The following ARFGEF2 variants were observed in gnomAD, a reference collection of about 807,000 sequenced individuals.
ARFGEF2 encodes brefeldin A-inhibited guanine nucleotide-exchange protein 2.
ARFGEF2 carries 74 observed loss-of-function variants against 219.9 expected under a neutral mutation model. The ratio of observed to expected loss-of-function variants is 0.34; its 90% CI spans 0.28 to 0.41. ARFGEF2 has a LOEUF of 0.41. Ranked by LOEUF, ARFGEF2 falls within the 10% of genes least tolerant of loss-of-function variation. The pLI, the probability that ARFGEF2 is intolerant of heterozygous loss-of-function variation, is 1.00. For synonymous variants in ARFGEF2, 733 were observed against 799.2 expected, an observed-to-expected ratio of 0.92 and a Z score of 1.40; for missense variants, 1,743 against 2,218.3, an observed-to-expected ratio of 0.79 and a Z score of 4.30.
At chr20:48,935,939 G>GA (rs1395453678) in intron 1 of ARFGEF2, among the ~76,000 whole-genome samples, 1 of 130,668 alleles carries the variant, frequency 7.7e-6, no homozygotes, top group African/African-American at 3.1e-5. Flanking sequence ...CGGCTGGCCG[G>GA]GGGGGGGGGC....
intron 30 of ARFGEF2, among the ~76,000 whole-genome samples, chr20:49,015,497 T>C (rs1394512713): frequency 6.6e-6 from 1 of 152,200 alleles, no homozygotes; most frequent in African/African-American, 2.4e-5. Context: ...TTAGGTTGCT[T>C]TCCGGTTTTT....
chr20:49,032,741 G>A (rs921812852), intron 38 of ARFGEF2, among the ~76,000 whole-genome samples: 1 of 151,696 alleles, frequency 6.6e-6, no homozygotes, highest in Non-Finnish European at 1.5e-5. Context: ...ACAGACACGC[G>A]CCACTATGCC....
intron 16 of ARFGEF2, among the ~76,000 whole-genome samples, chr20:48,986,761 G>A (rs1378019528): frequency 6.6e-6 from 1 of 152,146 alleles, no homozygotes; most frequent in Non-Finnish European, 1.5e-5. Context: ...GTACAGTGGG[G>A]TGATCACAGA....
chr20:48,966,486 C>G (rs940465293), intron 8 of ARFGEF2, among the ~76,000 whole-genome samples: 14 of 152,144 alleles, frequency 9.2e-5, no homozygotes, highest in African/African-American at 3.4e-4. Context: ...CAGTATGTAT[C>G]CTGTGTTGCA....
At chr20:48,991,321 C>A in intron 21 of ARFGEF2, 123 bp downstream of exon 21, 2 of 1,369,584 alleles carry the variant, frequency 1.5e-6, no homozygotes, top group Non-Finnish European at 2.1e-6. Context: ...CCTCATGTAT[C>A]TGGAAGTCAC....
intron 6 of ARFGEF2, among the ~76,000 whole-genome samples, chr20:48,957,088 T>A (rs1047939461): frequency 6.6e-6 from 1 of 152,194 alleles, no homozygotes; most frequent in Non-Finnish European, 1.5e-5. Context: ...ACTTCTATCC[T>A]TAGGGTCATC....
intron 3 of ARFGEF2, among the ~76,000 whole-genome samples, chr20:48,950,611 T>A (rs922105360): frequency 1.9e-4 from 29 of 150,754 alleles, no homozygotes; most frequent in Admixed American, 6.0e-4. Flanking sequence ...CTGAGCAATA[T>A]AGCAAGACCC....
intron 4 of ARFGEF2, among the ~76,000 whole-genome samples, chr20:48,952,476 G>A (rs2091077201): frequency 6.6e-6 from 1 of 152,082 alleles, no homozygotes; most frequent in African/African-American, 2.4e-5. Context: ...TAATTGTTTC[G>A]AGTGATTTGG....
intron 14 of ARFGEF2, among the ~76,000 whole-genome samples, chr20:48,976,700 C>T (rs1031322750): frequency 6.6e-6 from 1 of 151,764 alleles, no homozygotes; most frequent in East Asian, 1.9e-4. Flanking sequence ...CCCAGCTACT[C>T]GGGAGGCTGA....
At position 48,972,441 on chromosome 20, in the gene ARFGEF2, G is replaced by A. The variant is rs1479547892; in HGVS notation, c.1525+16G>A. On this transcript the variant is annotated intron_variant, in intron 11 of 38. Transcript: ENST00000371917. ...ATCTGTGCAGGTATTTCCACCTGGG[G>A]ACACTCATCCACTGGACTTCTGATG... is the stretch of plus-strand genomic sequence containing the variant. 3 of 1,584,736 alleles carry A rather than the reference G, an allele frequency of 1.9e-6. No individual in the cohort carries two copies. The highest frequency in any genetic ancestry group is 1.3e-5 in the African/African-American group (1 of 74,316).
intron 13 of ARFGEF2, 99 bp from the exon 14 acceptor site, chr20:48,975,917 T>C: frequency 1.9e-6 from 2 of 1,066,888 alleles, no homozygotes; most frequent in South Asian, 2.6e-5. Context: ...CTTGTTGCTA[T>C]TACAGGTTTG....
intron 26 of ARFGEF2, among the ~76,000 whole-genome samples, 181 bp from the exon 27 acceptor site, chr20:49,010,051 G>T (rs374876401): frequency 5.8e-4 from 88 of 152,336 alleles, no homozygotes; most frequent in African/African-American, 2.0e-3. Context: ...GATGGTGGTT[G>T]TAGCTCTATG....
At chr20:48,941,725 T>G in intron 2 of ARFGEF2, 139 bp from the exon 3 acceptor site, 1 of 1,251,462 alleles carries the variant, frequency 8.0e-7, no homozygotes, top group South Asian at 1.2e-5. Flanking sequence ...TGCTAATGCA[T>G]GTATTCAACT....
In ARFGEF2 at chr20:48,998,204, G is replaced by T. The variant is rs1309774912; in HGVS notation, c.3233G>T (p.Gly1078Val). Residue 1078 changes from glycine to valine, a missense_variant, in exon 24 of 39, where the codon GGG (glycine) becomes GTG (valine). Gly to Val is a moderately radical substitution (Grantham distance 109, BLOSUM62 -3). Transcript: ENST00000371917. ...AATTATCTTCCTAGGATTTTTACTG[G>T]GTCTACCAGACTGGATGGAAATGCA... ...VVVAVDRIFT[G>V]STRLDGNAIV... 1.2e-6 allele frequency: 2 copies of T among 1,613,892 alleles called. No homozygotes were observed. The highest frequency in any genetic ancestry group is 1.1e-5 in the South Asian group (1 of 91,062).
At chr20:48,948,966 T>A (rs963690112) in intron 3 of ARFGEF2, among the ~76,000 whole-genome samples, 2 of 152,238 alleles carry the variant, frequency 1.3e-5, no homozygotes, top group Non-Finnish European at 2.9e-5. Flanking sequence ...CCCTGGAGAA[T>A]ATAGACTCTA....
intron 1 of ARFGEF2, among the ~76,000 whole-genome samples, chr20:48,936,059 G>A (rs186527529): frequency 0.34 from 43,663 of 129,714 alleles, 8,647 homozygotes; most frequent in African/African-American, 0.51. Flanking sequence ...GCATGGGGCG[G>A]CTGGCCGGGC....
chr20:49,000,615 A>C (rs1398707172), intron 25 of ARFGEF2, among the ~76,000 whole-genome samples: 1 of 152,248 alleles, frequency 6.6e-6, no homozygotes, highest in Non-Finnish European at 1.5e-5. Context: ...TTGAGAAAGA[A>C]AATGTGAATC....
At chr20:49,001,675 TA>T (rs1215207743) in intron 25 of ARFGEF2, among the ~76,000 whole-genome samples, 2 of 152,174 alleles carry the variant, frequency 1.3e-5, no homozygotes, top group Non-Finnish European at 2.9e-5. Context: ...AAATTACAGC[TA>T]AAACATCTTT....
At chr20:48,998,806 A>C (rs1010261983) in intron 25 of ARFGEF2, among the ~76,000 whole-genome samples, 1 of 152,248 alleles carries the variant, frequency 6.6e-6, no homozygotes, top group Admixed American at 6.5e-5. Context: ...GCTTGGAAGC[A>C]TTGTGAAATG....
Sources: gnomAD v4.1 joint callset for allele counts (sites outside exome capture counted in the v4.1 genomes callset) on GRCh38, gnomAD v4.1.1 for gene constraint, MANE v1.5 for transcripts, NCBI Gene and HGNC (gene_info 2026-07-23, HGNC 2026-07-21) for gene names.